TMEM232: variants seen among roughly 807,000 people sequenced by gnomAD.
TMEM232 encodes the protein transmembrane protein 232.
A neutral mutation model predicts 78.8 loss-of-function variants in TMEM232; 80 were observed. The ratio of observed to expected loss-of-function variants is 1.01; its 90% CI spans 0.85 to 1.22. The LOEUF is 1.22. Ranked by LOEUF, TMEM232 falls within the 50% of genes most tolerant of loss-of-function variation. TMEM232 has a pLI of 0.00. For synonymous variants in TMEM232, 297 were observed against 254.3 expected, an observed-to-expected ratio of 1.17 and a Z score of -1.60; for missense variants, 881 against 742.2, an observed-to-expected ratio of 1.19 and a Z score of -2.17.
chr5:110,640,494 T>C (rs1388268713), intron 4 of TMEM232, among the ~76,000 whole-genome samples: 3 of 152,130 alleles, frequency 2.0e-5, no homozygotes, highest in Non-Finnish European at 4.4e-5. Flanking sequence ...AAGCTTGCTA[T>C]TTAAAATAAG....
At chr5:110,679,470 T>C (rs1024454206) in intron 1 of TMEM232, among the ~76,000 whole-genome samples, 1 of 152,196 alleles carries the variant, frequency 6.6e-6, no homozygotes, top group African/African-American at 2.4e-5. Context: ...TCACAGTCTG[T>C]GCCTGCCTTC....
At chr5:110,522,475 C>A (rs577791567) in intron 12 of TMEM232, among the ~76,000 whole-genome samples, 1 of 152,198 alleles carries the variant, frequency 6.6e-6, no homozygotes, top group African/African-American at 2.4e-5. Flanking sequence ...AGAATGGAAT[C>A]CTTGTATTAT....
At chr5:110,692,994 G>T (rs1794318953) in intron 1 of TMEM232, among the ~76,000 whole-genome samples, 2 of 152,196 alleles carry the variant, frequency 1.3e-5, no homozygotes, top group South Asian at 4.1e-4. Context: ...CTGAGAACAG[G>T]CAGACTGCCT....
chr5:110,697,228 G>C (rs576427577), intron 1 of TMEM232, among the ~76,000 whole-genome samples: 2 of 152,264 alleles, frequency 1.3e-5, no homozygotes, highest in East Asian at 1.9e-4. Flanking sequence ...ATGGTGCTGG[G>C]AAAACTGGCT....
At chr5:110,460,303 G>C (rs1432908576) in intron 12 of TMEM232, among the ~76,000 whole-genome samples, 1 of 152,008 alleles carries the variant, frequency 6.6e-6, no homozygotes, top group Non-Finnish European at 1.5e-5. Context: ...GTGTGTGTGT[G>C]TGTGTGTGTA....
Position 110,472,011 on chromosome 5 carries a change from G to A in TMEM232, c.1704-47095C>T, listed in dbSNP as rs138022694. 2.7e-4 allele frequency among the ~76,000 whole-genome samples: 41 copies of A among 152,024 alleles called. No homozygotes were observed. The East Asian group carries it at 7.3e-3, about 27-fold the overall frequency. Reference sequence around the variant, plus strand: ...CCTAGAAGAAAGAGATAAGTTCCTAGACACTTCTATTCAACATATTACAGG... The same window carrying A: ...CCTAGAAGAAAGAGATAAGTTCCTAAACACTTCTATTCAACATATTACAGG... On this transcript the variant is annotated intron_variant, in intron 12 of 13. Coordinates refer to ENST00000455884, the MANE Select transcript of TMEM232 (RefSeq NM_001039763.4).
rs1407876005 is a variant in TMEM232 at position 110,712,938 on chromosome 5, A to G, written c.-13+13689T>C. 8.5e-5 allele frequency among the ~76,000 whole-genome samples: 13 copies of G among 152,332 alleles called. 2 individuals carry two copies. Among genetic ancestry groups the G allele is most frequent in the East Asian group, 5.8e-4 (3 of 5,192 alleles). On this transcript the variant is annotated intron_variant, in intron 1 of 13. Transcript: ENST00000455884. ...TACCCCAAAGAAGGGAAATTAGTAT[A>G]TCAAAAAGATATCTGCACTCTCATG...
intron 11 of TMEM232, among the ~76,000 whole-genome samples, chr5:110,539,862 G>C (rs892331250): frequency 6.6e-6 from 1 of 152,154 alleles, no homozygotes; most frequent in African/African-American, 2.4e-5. Context: ...TTAACACCCA[G>C]AGCCTGGCAA....
chr5:110,585,690 C>A (rs900111468), intron 10 of TMEM232, among the ~76,000 whole-genome samples: 5 of 152,242 alleles, frequency 3.3e-5, no homozygotes, highest in African/African-American at 9.6e-5. Flanking sequence ...GCCCTCCCTG[C>A]AGTTCCAAGA....
chr5:110,529,776 T>G (rs1456275501), intron 11 of TMEM232, among the ~76,000 whole-genome samples: 1 of 152,182 alleles, frequency 6.6e-6, no homozygotes, highest in Non-Finnish European at 1.5e-5. Flanking sequence ...CAGGATTGCT[T>G]CTTCTTTACT....
At chr5:110,718,110 A>G (rs891753640) in intron 1 of TMEM232, among the ~76,000 whole-genome samples, 4 of 152,124 alleles carry the variant, frequency 2.6e-5, no homozygotes, top group Non-Finnish European at 5.9e-5. Flanking sequence ...TAATATTAAA[A>G]TTATACATAT....
At chr5:110,730,406 T>C (rs1170982468), upstream of TMEM232, among the ~76,000 whole-genome samples, 1 of 152,266 alleles carries the variant, frequency 6.6e-6, no homozygotes, top group African/African-American at 2.4e-5. Flanking sequence ...CTATTTTTGA[T>C]ATTATGTGAT....
chr5:110,483,330 T>C (rs1490208227), intron 12 of TMEM232, among the ~76,000 whole-genome samples: 1 of 152,098 alleles, frequency 6.6e-6, no homozygotes, highest in Non-Finnish European at 1.5e-5. Context: ...AGATAACATC[T>C]CACACAACTC....
downstream of TMEM232, among the ~76,000 whole-genome samples, chr5:110,416,530 G>T (rs1379180884): frequency 6.6e-6 from 1 of 152,166 alleles, no homozygotes; most frequent in African/African-American, 2.4e-5. Context: ...GTGAGCAGTT[G>T]GATAACGTTT....
Position 110,443,075 on chromosome 5 carries a change from C to T in TMEM232, c.1704-18159G>A, listed in dbSNP as rs542107759. Among the ~76,000 whole-genome samples the T allele has an allele frequency of 8.5e-5, 13 of 152,254 alleles. No individual in the cohort carries two copies. The East Asian group carries it at 9.7e-4, about 11-fold the overall frequency. ...GGTCCCACCCAAGGCATACTGTAAC[C>T]GCTGCCTGGCTACCACCTATGTTCA... is the stretch of plus-strand genomic sequence containing the variant. On this transcript the variant is annotated intron_variant, in intron 12 of 13. Coordinates refer to ENST00000455884, the MANE Select transcript of TMEM232 (RefSeq NM_001039763.4).
chr5:110,580,967 A>G (rs1054087819), intron 10 of TMEM232, among the ~76,000 whole-genome samples: 3 of 151,786 alleles, frequency 2.0e-5, no homozygotes, highest in Non-Finnish European at 4.4e-5. Flanking sequence ...GGAGGTGGTT[A>G]GATCTCTATA....
chr5:110,538,343 T>G (rs1772665640), intron 11 of TMEM232, among the ~76,000 whole-genome samples: 1 of 152,286 alleles, frequency 6.6e-6, no homozygotes, highest in Admixed American at 6.5e-5. Flanking sequence ...ATCAGGTTTT[T>G]GATACTGCTG....
At chr5:110,391,347 G>GAT (rs752486137) in intron 3 of TMEM232, among the ~76,000 whole-genome samples, 1 of 150,494 alleles carries the variant, frequency 6.6e-6, no homozygotes, top group African/African-American at 2.5e-5. Flanking sequence ...GAGAGAGAGA[G>GAT]AAACCTCTGT....
At chr5:110,693,204 G>A (rs1032122187) in intron 1 of TMEM232, among the ~76,000 whole-genome samples, 3 of 152,202 alleles carry the variant, frequency 2.0e-5, no homozygotes, top group Non-Finnish European at 4.4e-5. Flanking sequence ...GGTCTGGAAT[G>A]GACCTCCAGC....
Sources: allele counts gnomAD v4.1 joint callset (sites outside exome capture counted in the v4.1 genomes callset), GRCh38; gene constraint gnomAD v4.1.1; transcripts MANE v1.5; gene names NCBI Gene and HGNC (gene_info 2026-07-23, HGNC 2026-07-21).